The following TRPC4 variants were observed in gnomAD, a reference collection of about 807,000 sequenced individuals.
The protein encoded by TRPC4 is short transient receptor potential channel 4.
TRPC4 carries 49 observed loss-of-function variants against 99.4 expected under a neutral mutation model. The observed-to-expected ratio is 0.49, with a 90% CI of 0.39 to 0.63. The LOEUF is 0.63. Among genes scored for constraint, TRPC4 ranks in the 20% least tolerant of loss-of-function variants. TRPC4 has a pLI of 0.00. For missense variants in TRPC4, 898 were observed against 1,152.9 expected (o/e 0.78, Z 3.20); for synonymous variants, 454 against 425.9 (o/e 1.07, Z -0.81).
Position 37,674,383 on chromosome 13 carries a change from G to A in TRPC4, c.1235-16C>T, listed in dbSNP as rs772032067. The A allele has an allele frequency of 2.5e-6, 4 of 1,593,346 alleles. No individual in the cohort carries two copies. In the African/African-American group the frequency reaches 4.1e-5, roughly 16 times the overall value. The stretch of plus-strand genomic sequence containing the variant: ...CATATGAAGCCTGCAATTATAGAAA[G>A]ATTCATTGTAAGTATGATTTCAATA... On this transcript the variant is annotated splice_polypyrimidine_tract_variant and intron_variant, in intron 4 of 10. Coordinates refer to ENST00000379705, the MANE Select transcript of TRPC4 (RefSeq NM_016179.4).
intron 2 of TRPC4, among the ~76,000 whole-genome samples, chr13:37,772,684 C>T (rs1451543906): frequency 6.6e-6 from 1 of 151,610 alleles, no homozygotes; most frequent in African/African-American, 2.4e-5. Context: ...TCATTTATAT[C>T]ATATCACGTC....
intron 1 of TRPC4, among the ~76,000 whole-genome samples, chr13:37,851,446 T>C (rs1593318246): frequency 6.6e-6 from 1 of 152,182 alleles, no homozygotes. Context: ...TTCAAGAATA[T>C]TGAGAAATTA....
intron 1 of TRPC4, among the ~76,000 whole-genome samples, chr13:37,834,590 C>A (rs1958510621): frequency 6.6e-6 from 1 of 152,146 alleles, no homozygotes; most frequent in South Asian, 2.1e-4. Context: ...TCTTGCCATA[C>A]TTATTGTGTT....
chr13:37,685,034 T>C (rs1403318250), intron 4 of TRPC4, among the ~76,000 whole-genome samples: 1 of 152,120 alleles, frequency 6.6e-6, no homozygotes, highest in African/African-American at 2.4e-5. Context: ...AAGGCAGTGA[T>C]GATACTGGTG....
At chr13:37,661,676 C>A (rs1457078733) in intron 6 of TRPC4, among the ~76,000 whole-genome samples, 1 of 152,118 alleles carries the variant, frequency 6.6e-6, no homozygotes, top group Admixed American at 6.5e-5. Flanking sequence ...GACCAGCTGG[C>A]AGACAGACAA....
rs1952196804 is a variant in TRPC4 at position 37,655,409 on chromosome 13, C to A, written c.1689-126G>T. 1.2e-5 allele frequency: 4 copies of A among 339,382 alleles called. No individual in the cohort carries two copies. In the Admixed American group the frequency reaches 2.1e-4, roughly 17 times the overall value. 21.0% of individuals were successfully genotyped at this position (339,382 alleles called of 1,614,324 possible). A position where few individuals can be genotyped will look rare whatever the true frequency, so the allele number is the denominator to read the frequency against. On this transcript the variant is annotated intron_variant, in intron 6 of 10. Coordinates refer to ENST00000379705, the MANE Select transcript of TRPC4 (RefSeq NM_016179.4). ...TAATTAACTTAAACATTAATATCAA[C>A]AGTAAAATAACCTTTTAGGACAATT...
rs1442012252 is a variant in TRPC4 at position 37,633,691 on chromosome 13, T to C, written c.*3212A>G. 2.6e-5 allele frequency among the ~76,000 whole-genome samples: 4 copies of C among 152,170 alleles called. No homozygotes were observed. Among genetic ancestry groups the C allele is most frequent in the East Asian group, 1.9e-4 (1 of 5,198 alleles). On this transcript the variant is annotated 3_prime_UTR_variant, in exon 11 of 11. Transcript: ENST00000379705. ...CTACGTCAAGGCAAGAAAGTGAGTA[T>C]GTTTTTGCATTAGTTTAATTGCCAT...
intron 1 of TRPC4, among the ~76,000 whole-genome samples, chr13:37,827,563 T>C (rs1196567784): frequency 6.6e-6 from 1 of 151,882 alleles, no homozygotes; most frequent in Non-Finnish European, 1.5e-5. Flanking sequence ...TGCTGGGGGG[T>C]GCCTCCCAGT....
At chr13:37,754,553 C>A (rs557837016) in intron 2 of TRPC4, among the ~76,000 whole-genome samples, 2 of 152,200 alleles carry the variant, frequency 1.3e-5, no homozygotes, top group East Asian at 3.9e-4. Flanking sequence ...ATACTCCAAA[C>A]AAACTACTTT....
chr13:37,698,167 C>CTTTTTTTTTTTTTCTTTTTTTTTTT (rs67611413), intron 3 of TRPC4, among the ~76,000 whole-genome samples: 1 of 42,556 alleles, frequency 2.3e-5, no homozygotes, highest in African/African-American at 1.0e-4. Flanking sequence ...AAGGACTAAC[C>CTTTTTTTTTTTTTCTTTTTTTTTTT]TTTTTTTTTT....
chr13:37,718,453 C>A (rs919088893), intron 3 of TRPC4, among the ~76,000 whole-genome samples: 22 of 151,588 alleles, frequency 1.5e-4, no homozygotes, highest in African/African-American at 5.1e-4. Flanking sequence ...AAGACTGACC[C>A]TGAGATGACC....
chr13:37,731,047 T>C (rs1354091101), intron 3 of TRPC4, among the ~76,000 whole-genome samples: 1 of 151,942 alleles, frequency 6.6e-6, no homozygotes, highest in Non-Finnish European at 1.5e-5. Flanking sequence ...TTCTGAGTTA[T>C]TAAGAAAAAA....
intron 2 of TRPC4, among the ~76,000 whole-genome samples, chr13:37,748,010 GTGCATT>G (rs1362599350): frequency 6.6e-6 from 1 of 152,156 alleles, no homozygotes; most frequent in East Asian, 1.9e-4. Context: ...TGGTTTCAGT[GTGCATT>G]TGCCTGACAA....
At chr13:37,679,990 C>A (rs1189188934) in intron 4 of TRPC4, among the ~76,000 whole-genome samples, 1 of 152,116 alleles carries the variant, frequency 6.6e-6, no homozygotes, top group African/African-American at 2.4e-5. Flanking sequence ...ACAACCACAG[C>A]CTGCATGAGA....
chr13:37,639,244 C>T lies in TRPC4; in HGVS notation c.2121+14G>A, dbSNP rs1951637961. On this transcript the variant is annotated intron_variant, in intron 9 of 10. Coordinates refer to ENST00000379705, the MANE Select transcript of TRPC4 (RefSeq NM_016179.4). ...TTAGTGAAAATTTCAAGACATAGTA[C>T]AAGGACAACTTACTTGGTATTGGTG... The T allele has an allele frequency of 6.2e-7, 1 of 1,613,454 alleles. No homozygotes were observed. The highest frequency in any genetic ancestry group is 1.7e-5 in the Admixed American group (1 of 59,952).
intron 1 of TRPC4, among the ~76,000 whole-genome samples, chr13:37,839,879 G>T (rs1566213747): frequency 6.6e-6 from 1 of 152,048 alleles, no homozygotes. Context: ...TTTCTCAAAT[G>T]CTGTTAACCC....
intron 10 of TRPC4, 87 bp from the exon 11 acceptor site, chr13:37,637,712 T>A: frequency 7.8e-7 from 1 of 1,281,294 alleles, no homozygotes; most frequent in Non-Finnish European, 1.1e-6. Flanking sequence ...GTCAGAAATG[T>A]TTTCACTCCT....
At chr13:37,706,207 T>G (rs924842971) in intron 3 of TRPC4, among the ~76,000 whole-genome samples, 2 of 152,214 alleles carry the variant, frequency 1.3e-5, no homozygotes, top group African/African-American at 2.4e-5. Flanking sequence ...CCGCTGAACA[T>G]AGCAGAAGGC....
intron 3 of TRPC4, among the ~76,000 whole-genome samples, chr13:37,695,779 C>A (rs1426532804): frequency 6.6e-6 from 1 of 152,020 alleles, no homozygotes. Flanking sequence ...ATATTGAAGA[C>A]ACTATGAAAA....
Sources: allele counts gnomAD v4.1 joint callset (sites outside exome capture counted in the v4.1 genomes callset), GRCh38; gene constraint gnomAD v4.1.1; transcripts MANE v1.5; gene names NCBI Gene and HGNC (gene_info 2026-07-23, HGNC 2026-07-21).